The following DCDC1 variants were observed in gnomAD, a reference collection of about 807,000 sequenced individuals.
DCDC1 encodes the protein doublecortin domain-containing protein 1.
A neutral mutation model predicts 178.3 loss-of-function variants in DCDC1; 200 were observed. That is an observed-to-expected ratio of 1.12 (90% CI 1.00 to 1.26). The LOEUF (loss-of-function observed/expected upper bound fraction) is 1.26. Ranked by LOEUF, DCDC1 falls within the 50% of genes most tolerant of loss-of-function variation. The pLI is 0.00. For synonymous variants in DCDC1, 690 were observed against 604.8 expected (o/e 1.14, Z -2.07); for missense variants, 1,983 against 1,749.2 (o/e 1.13, Z -2.38).
intron 3 of DCDC1, among the ~76,000 whole-genome samples, chr11:31,309,726 A>G (rs998921126): frequency 2.6e-5 from 4 of 152,176 alleles, no homozygotes; most frequent in African/African-American, 7.2e-5. Flanking sequence ...ATTCTTATAA[A>G]TATACTAATG....
intron 17 of DCDC1, among the ~76,000 whole-genome samples, chr11:31,082,571 T>C (rs891217667): frequency 1.4e-5 from 2 of 138,194 alleles, no homozygotes; most frequent in Admixed American, 1.5e-4. Context: ...ATATGTGATA[T>C]AGATACAGAT....
intron 9 of DCDC1, among the ~76,000 whole-genome samples, chr11:31,168,613 G>C (rs1379157240): frequency 1.3e-5 from 2 of 152,192 alleles, no homozygotes; most frequent in Non-Finnish European, 2.9e-5. Context: ...CTACAAACTA[G>C]GAGAGAGGGT....
At chr11:31,181,364 G>C (rs1325353991) in intron 9 of DCDC1, among the ~76,000 whole-genome samples, 1 of 152,184 alleles carries the variant, frequency 6.6e-6, no homozygotes, top group African/African-American at 2.4e-5. Context: ...CTTGAGCTCT[G>C]CTAAGGAACA....
chr11:31,281,004 C>T (rs1476556404), intron 7 of DCDC1: 24 of 577,838 alleles, frequency 4.2e-5, no homozygotes, highest in East Asian at 3.3e-4. Flanking sequence ...TTCCCTTTTT[C>T]GTCACAACGA....
At chr11:31,285,984 G>A (rs1212603621) in intron 7 of DCDC1, among the ~76,000 whole-genome samples, 1 of 152,114 alleles carries the variant, frequency 6.6e-6, no homozygotes, top group South Asian at 2.1e-4. Flanking sequence ...TGTCTCACAC[G>A]TTATTTTTTT....
At chr11:31,285,857 C>T (rs1184958517) in intron 7 of DCDC1, among the ~76,000 whole-genome samples, 2 of 152,080 alleles carry the variant, frequency 1.3e-5, no homozygotes, top group East Asian at 3.9e-4. Context: ...ACTTGCTACA[C>T]ATAACCACTC....
At chr11:31,248,243 C>G (rs1350390821) in intron 8 of DCDC1, among the ~76,000 whole-genome samples, 1 of 151,902 alleles carries the variant, frequency 6.6e-6, no homozygotes, top group Non-Finnish European at 1.5e-5. Flanking sequence ...ATATTACTAT[C>G]CCAAAAAGTT....
intron 36 of DCDC1, chr11:30,883,576 A>G (rs1942891978): frequency 3.1e-6 from 1 of 324,086 alleles, no homozygotes; most frequent in Non-Finnish European, 6.4e-6. Context: ...TACAAAGCAA[A>G]AAGTGTGGAT....
chr11:30,991,579 C>T (rs929890062), intron 20 of DCDC1, among the ~76,000 whole-genome samples: 2 of 152,144 alleles, frequency 1.3e-5, no homozygotes, highest in African/African-American at 2.4e-5. Flanking sequence ...ACCGACGTCA[C>T]TAGGTTCTGT....
At chr11:31,152,817 G>A (rs1159626029) in intron 9 of DCDC1, among the ~76,000 whole-genome samples, 1 of 152,170 alleles carries the variant, frequency 6.6e-6, no homozygotes, top group Non-Finnish European at 1.5e-5. Context: ...AATGGGGCAG[G>A]CTAATTGGCT....
intron 20 of DCDC1, among the ~76,000 whole-genome samples, chr11:31,052,359 A>G (rs2135416759): frequency 6.6e-6 from 1 of 152,320 alleles, no homozygotes; most frequent in South Asian, 2.1e-4. Context: ...TAGAACAATT[A>G]GTAAGAGTCC....
chr11:31,329,572 C>G (rs1949852401), intron 2 of DCDC1, among the ~76,000 whole-genome samples: 1 of 152,122 alleles, frequency 6.6e-6, no homozygotes, highest in Non-Finnish European at 1.5e-5. Flanking sequence ...ACAACAGGCT[C>G]TGGGGTGTGA....
At chr11:31,337,813 C>A (rs1950348419) in intron 1 of DCDC1, among the ~76,000 whole-genome samples, 1 of 152,130 alleles carries the variant, frequency 6.6e-6, no homozygotes, top group Admixed American at 6.5e-5. Context: ...AACCAGTACT[C>A]AGGCTTAAAA....
At chr11:31,250,413 C>CATATATATATATATATATATATATAT (rs1565496380) in intron 8 of DCDC1, among the ~76,000 whole-genome samples, 1 of 93,070 alleles carries the variant, frequency 1.1e-5, no homozygotes, top group African/African-American at 5.1e-5. Flanking sequence ...CACACACACA[C>CATATATATATATATATATATATATAT]ACATATACAT....
At chr11:31,310,185 T>C (rs1263151547) in intron 3 of DCDC1, among the ~76,000 whole-genome samples, 1 of 152,136 alleles carries the variant, frequency 6.6e-6, no homozygotes, top group Non-Finnish European at 1.5e-5. Context: ...TAGTAATTTA[T>C]ATCTGAAAGT....
intron 11 of DCDC1, among the ~76,000 whole-genome samples, chr11:31,111,774 G>C (rs564247101): frequency 1.9e-4 from 29 of 152,236 alleles, no homozygotes; most frequent in Non-Finnish European, 3.5e-4. Flanking sequence ...TATTCTACAA[G>C]GTTAGTGTTG....
intron 9 of DCDC1, among the ~76,000 whole-genome samples, chr11:31,232,504 C>T (rs1172485957): frequency 6.6e-6 from 1 of 152,140 alleles, no homozygotes; most frequent in East Asian, 1.9e-4. Context: ...CTTCCAAAGG[C>T]CGCTGATATC....
chr11:31,250,430 G>GTATATATATA lies in DCDC1; in HGVS notation c.1055-8824_1055-8815dup, dbSNP rs1376992040. Among the ~76,000 whole-genome samples the GTATATATATA allele has an allele frequency of 2.4e-5, 2 of 84,848 alleles. 1 individual carries two copies. Among genetic ancestry groups the GTATATATATA allele is most frequent in the East Asian group, 1.2e-3 (2 of 1,732 alleles). The allele number at this position is 84,848 out of a possible 152,430, so 55.7% of individuals were successfully genotyped here. ...CACACACACACATATACATATATAT[G>GTATATATATA]TATATATATATATATCCCTGCCTGG... On this transcript the variant is annotated intron_variant, in intron 8 of 38. Coordinates refer to ENST00000684477, the MANE Select transcript of DCDC1 (RefSeq NM_001387274.1).
intron 9 of DCDC1, among the ~76,000 whole-genome samples, chr11:31,229,170 C>A (rs1274772900): frequency 6.6e-6 from 1 of 152,004 alleles, no homozygotes; most frequent in Admixed American, 6.6e-5. Flanking sequence ...ATGAATTTCA[C>A]CAAATACTTA....
Sources: gnomAD v4.1 joint callset for allele counts (sites outside exome capture counted in the v4.1 genomes callset) on GRCh38, gnomAD v4.1.1 for gene constraint, MANE v1.5 for transcripts, NCBI Gene and HGNC (gene_info 2026-07-23, HGNC 2026-07-21) for gene names.